Variants in LARGE1 observed in about 807,000 individuals in gnomAD.
LARGE1 encodes xylosyl- and glucuronyltransferase LARGE1.
LARGE1 carries 43 observed loss-of-function variants against 87.6 expected under a neutral mutation model. The observed-to-expected ratio is 0.49, with a 90% CI of 0.38 to 0.63. The LOEUF (loss-of-function observed/expected upper bound fraction) is 0.63, where lower values mean the gene tolerates loss of function less well. LARGE1 is among the 30% of genes least tolerant of loss of function. The probability of loss-of-function intolerance (pLI) is 0.00; values close to 1 mark genes in which losing one functional copy is unlikely to be tolerated. For missense variants in LARGE1, 802 were observed against 1,000.2 expected (o/e 0.80, Z 2.67); for synonymous variants, 434 against 394.6 (o/e 1.10, Z -1.18).
intron 2 of LARGE1, among the ~76,000 whole-genome samples, chr22:33,755,649 T>A (rs973317247): frequency 1.3e-5 from 2 of 152,124 alleles, no homozygotes; most frequent in Non-Finnish European, 2.9e-5. Context: ...GGAATTAACA[T>A]CACGACCAAA....
At chr22:33,916,663 AC>A (rs1189270794) in intron 1 of LARGE1, among the ~76,000 whole-genome samples, 1 of 151,868 alleles carries the variant, frequency 6.6e-6, no homozygotes, top group Non-Finnish European at 1.5e-5. Flanking sequence ...TATATCCCCC[AC>A]CCCCAATGCA....
intron 5 of LARGE1, among the ~76,000 whole-genome samples, chr22:33,572,481 C>A (rs2078235496): frequency 1.3e-5 from 2 of 152,090 alleles, no homozygotes; most frequent in Admixed American, 6.6e-5. Flanking sequence ...TCAAGCTCCC[C>A]ACCCATAAAA....
intron 11 of LARGE1, among the ~76,000 whole-genome samples, chr22:33,175,823 C>T (rs1922835956): frequency 6.6e-6 from 1 of 151,966 alleles, no homozygotes; most frequent in Non-Finnish European, 1.5e-5. Flanking sequence ...TCAAATAAAC[C>T]AAAAAAGAGC....
intron 1 of LARGE1, among the ~76,000 whole-genome samples, chr22:33,869,386 C>T (rs1299648526): frequency 6.6e-6 from 1 of 152,090 alleles, no homozygotes; most frequent in Non-Finnish European, 1.5e-5. Flanking sequence ...ATGTGTTCAG[C>T]TCCCTCCCAA....
intron 10 of LARGE1, among the ~76,000 whole-genome samples, chr22:33,335,461 A>G (rs958705718): frequency 2.0e-5 from 3 of 152,204 alleles, no homozygotes; most frequent in Admixed American, 1.3e-4. Context: ...TCCTGATAAA[A>G]GGCCAGGCGA....
chr22:33,087,096 CTT>C, the LARGE1 span, among the ~76,000 whole-genome samples: 1 of 151,880 alleles, frequency 6.6e-6, no homozygotes, highest in East Asian at 1.9e-4. Flanking sequence ...CAGAGGGTCT[CTT>C]AGATTTGTTC....
Position 33,226,729 on chromosome 22 carries a change from T to A in LARGE1, c.1731-59897A>T, listed in dbSNP as rs962855280. Among the ~76,000 whole-genome samples the A allele has an allele frequency of 1.2e-4, 13 of 108,350 alleles. No individual in the cohort carries two copies. In the East Asian group the frequency reaches 1.3e-3, roughly 11 times the overall value. The allele number at this position is 108,350 out of a possible 152,430, so 71.1% of individuals were successfully genotyped here. ...TTAAATTATTATTATTATTATTATT[T>A]ATTATTATTTTTTTTTTTGAGACGG... On this transcript the variant is annotated intron_variant, in intron 11 of 11. Transcript: ENST00000608642.
At chr22:33,083,123 T>C in the LARGE1 span, among the ~76,000 whole-genome samples, 29 of 152,320 alleles carry the variant, frequency 1.9e-4, no homozygotes, top group African/African-American at 6.7e-4. Flanking sequence ...TTTATTGCCT[T>C]TTCTTATGAA....
chr22:33,714,339 G>A (rs1236331782), intron 2 of LARGE1, among the ~76,000 whole-genome samples: 1 of 152,180 alleles, frequency 6.6e-6, no homozygotes, highest in East Asian at 1.9e-4. Context: ...GGCAGATAAG[G>A]CTGGTTCAAC....
chr22:33,111,496 C>T, the LARGE1 span, among the ~76,000 whole-genome samples: 9 of 152,168 alleles, frequency 5.9e-5, no homozygotes, highest in African/African-American at 2.2e-4. Context: ...CAACTCCTGA[C>T]CTTCCCACCC....
chr22:33,872,702 C>T (rs1030593193), intron 1 of LARGE1, among the ~76,000 whole-genome samples: 60 of 152,042 alleles, frequency 3.9e-4, no homozygotes, highest in Admixed American at 1.1e-3. Flanking sequence ...ATTTGGAGCA[C>T]GGAAAAGAGC....
At position 33,793,267 on chromosome 22, in the gene LARGE1, G is replaced by A. The variant is rs192088900; in HGVS notation, c.-82-31709C>T. Among the ~76,000 whole-genome samples the A allele has an allele frequency of 5.3e-4, 81 of 152,162 alleles. No homozygotes were observed. In the East Asian group the frequency reaches 7.0e-3, roughly 13 times the overall value. On this transcript the variant is annotated intron_variant, in intron 1 of 14. Transcript: ENST00000397394. Reference sequence around the variant, plus strand: ...GGGCTGTCAATTTTAAAAATATCATGGCTGGAGGAGAAAAGGAAACAGCCA... The same window carrying A: ...GGGCTGTCAATTTTAAAAATATCATAGCTGGAGGAGAAAAGGAAACAGCCA...
chr22:33,662,756 T>C (rs1225801749), intron 2 of LARGE1, among the ~76,000 whole-genome samples: 2 of 151,758 alleles, frequency 1.3e-5, no homozygotes, highest in East Asian at 3.9e-4. Flanking sequence ...TGGAAGCAAG[T>C]ACTTTTGTGA....
chr22:33,156,229 T>C, the LARGE1 span, among the ~76,000 whole-genome samples: 1 of 152,130 alleles, frequency 6.6e-6, no homozygotes, highest in African/African-American at 2.4e-5. Flanking sequence ...CCCAGCATCC[T>C]CCAGATCCCA....
At chr22:33,645,401 T>A (rs933098833) in intron 3 of LARGE1, among the ~76,000 whole-genome samples, 1 of 152,166 alleles carries the variant, frequency 6.6e-6, no homozygotes, top group Admixed American at 6.5e-5. Context: ...TGCAGAAAAC[T>A]GAAACTGGAC....
the LARGE1 span, among the ~76,000 whole-genome samples, chr22:33,116,607 C>T: frequency 3.3e-5 from 5 of 152,202 alleles, no homozygotes; most frequent in Admixed American, 3.3e-4. Flanking sequence ...TCGTGATCCG[C>T]CCGCCTCGGC....
chr22:33,594,058 A>C (rs991198929), intron 5 of LARGE1, among the ~76,000 whole-genome samples: 6 of 152,216 alleles, frequency 3.9e-5, no homozygotes, highest in Non-Finnish European at 8.8e-5. Flanking sequence ...CAAATAATCA[A>C]CTCTTAATAA....
chr22:33,662,459 CTTCATCCA>C (rs2081155472), intron 2 of LARGE1, among the ~76,000 whole-genome samples: 1 of 152,140 alleles, frequency 6.6e-6, no homozygotes, highest in Non-Finnish European at 1.5e-5. Flanking sequence ...AATCACCGCC[CTTCATCCA>C]AACTCCCCAC....
rs138339562 is a variant in LARGE1 at position 33,794,296 on chromosome 22, G to A, written c.-82-32738C>T. Among the ~76,000 whole-genome samples, 1,109 of 152,300 alleles carry A rather than the reference G, an allele frequency of 7.3e-3. 9 individuals are homozygous for A. The highest frequency in any genetic ancestry group is 0.014 in the Non-Finnish European group (929 of 68,020). On this transcript the variant is annotated intron_variant, in intron 1 of 14. Coordinates refer to ENST00000397394, the MANE Select transcript of LARGE1 (RefSeq NM_133642.5). ...AGTCTGATTCTTCTCAGGAGGGAGG[G>A]AAGAAAGAAGGGAACCCTGAGATCG...
Sources: allele counts gnomAD v4.1 joint callset (sites outside exome capture counted in the v4.1 genomes callset), GRCh38; gene constraint gnomAD v4.1.1; transcripts MANE v1.5; gene names NCBI Gene and HGNC (gene_info 2026-07-23, HGNC 2026-07-21).